The following PRIM2 variants were observed in gnomAD, a reference collection of about 807,000 sequenced individuals.
The protein encoded by PRIM2 is DNA primase large subunit.
In PRIM2, 39 loss-of-function variants were observed where a neutral mutation model predicts 67.3. The ratio of observed to expected loss-of-function variants is 0.58; its 90% CI spans 0.45 to 0.76. The LOEUF (loss-of-function observed/expected upper bound fraction) is 0.76. PRIM2 is among the 30% of genes least tolerant of loss of function. The pLI is 0.00. For synonymous variants in PRIM2, 143 were observed against 198.7 expected, an observed-to-expected ratio of 0.72 and a Z score of 2.36; for missense variants, 398 against 598.7, an observed-to-expected ratio of 0.66 and a Z score of 3.50.
intron 12 of PRIM2, among the ~76,000 whole-genome samples, chr6:57,625,301 G>A (rs1391665017): frequency 7.9e-5 from 12 of 152,298 alleles, no homozygotes; most frequent in Middle Eastern, 6.8e-3. Context: ...TATGAAAAAT[G>A]GATTCTGGGG....
the PRIM2 span, among the ~76,000 whole-genome samples, chr6:57,264,312 A>G: frequency 2.6e-5 from 4 of 152,162 alleles, no homozygotes; most frequent in African/African-American, 9.7e-5. Context: ...ACACCAAGCC[A>G]TGAATTTCAT....
chr6:57,557,308 A>G (rs1581988688), intron 10 of PRIM2, among the ~76,000 whole-genome samples: 1 of 151,328 alleles, frequency 6.6e-6, no homozygotes, highest in African/African-American at 2.4e-5. Context: ...CCATAAAGAC[A>G]TATGCACGCG....
At chr6:57,435,521 TAAAAG>T (rs1014663682) in intron 7 of PRIM2, among the ~76,000 whole-genome samples, 3 of 152,174 alleles carry the variant, frequency 2.0e-5, no homozygotes, top group African/African-American at 7.2e-5. Flanking sequence ...AACAAATACT[TAAAAG>T]AAGAAACATC....
upstream of PRIM2, among the ~76,000 whole-genome samples, chr6:57,315,206 G>A (rs1167926698): frequency 1.3e-5 from 2 of 152,190 alleles, no homozygotes; most frequent in African/African-American, 2.4e-5. Context: ...TCCAAAGAAA[G>A]CTTAAAACCT....
At position 57,496,187 on chromosome 6, in the gene PRIM2, T is replaced by C. The variant is rs1429991904; in HGVS notation, c.694-11200T>C. Among the ~76,000 whole-genome samples, 16 of 152,212 alleles carry C rather than the reference T, an allele frequency of 1.1e-4. 1 individual carries two copies. The highest frequency in any genetic ancestry group is 1.0e-3 in the Admixed American group (16 of 15,282). Reference sequence around the variant, plus strand: ...TCTTCACTTTGGTAATTAATATAATTGTGGATCTTTGACATTGATTTTAGA... The same window carrying C: ...TCTTCACTTTGGTAATTAATATAATCGTGGATCTTTGACATTGATTTTAGA... On this transcript the variant is annotated intron_variant, in intron 7 of 13. Transcript: ENST00000615550.
intron 7 of PRIM2, among the ~76,000 whole-genome samples, chr6:57,451,863 T>C (rs1772564543): frequency 6.6e-6 from 1 of 151,934 alleles, no homozygotes; most frequent in African/African-American, 2.4e-5. Context: ...GCATGTGCCA[T>C]GTTGGTGTGC....
intron 7 of PRIM2, among the ~76,000 whole-genome samples, chr6:57,466,603 G>C (rs901867135): frequency 6.6e-6 from 1 of 152,130 alleles, no homozygotes; most frequent in Non-Finnish European, 1.5e-5. Flanking sequence ...ATGTATGTTG[G>C]CTGCATAAAT....
At chr6:57,590,462 A>G (rs1420394487) in intron 10 of PRIM2, among the ~76,000 whole-genome samples, 1 of 152,226 alleles carries the variant, frequency 6.6e-6, no homozygotes, top group East Asian at 1.9e-4. Flanking sequence ...CCTAATTCCA[A>G]ATAGCATGGA....
At chr6:57,493,197 G>T (rs1229462150) in intron 7 of PRIM2, among the ~76,000 whole-genome samples, 1 of 152,118 alleles carries the variant, frequency 6.6e-6, no homozygotes, top group Non-Finnish European at 1.5e-5. Flanking sequence ...TTCTTGCCTT[G>T]CATAGGGGCC....
intron 10 of PRIM2, among the ~76,000 whole-genome samples, chr6:57,544,632 G>C (rs1327736807): frequency 6.6e-6 from 1 of 152,088 alleles, no homozygotes; most frequent in South Asian, 2.1e-4. Flanking sequence ...AATGATATTG[G>C]TTACTTGCTA....
chr6:57,246,513 G>A, the PRIM2 span, among the ~76,000 whole-genome samples: 1 of 152,174 alleles, frequency 6.6e-6, no homozygotes, highest in Admixed American at 6.5e-5. Context: ...GAGCAGGAGT[G>A]AAAGACAGGA....
chr6:57,244,942 G>A, the PRIM2 span, among the ~76,000 whole-genome samples: 11 of 152,248 alleles, frequency 7.2e-5, no homozygotes, highest in Non-Finnish European at 1.3e-4. Flanking sequence ...CCTGAGCATA[G>A]GCAGCTCCTC....
chr6:57,433,726 T>C (rs1170475135), intron 7 of PRIM2, among the ~76,000 whole-genome samples: 1 of 152,188 alleles, frequency 6.6e-6, no homozygotes, highest in Non-Finnish European at 1.5e-5. Context: ...AAAACAGACA[T>C]TTAAAACCAT....
the PRIM2 span, among the ~76,000 whole-genome samples, chr6:57,241,052 T>C: frequency 7.3e-5 from 11 of 151,720 alleles, no homozygotes; most frequent in African/African-American, 2.2e-4. Flanking sequence ...GGTGAAACTC[T>C]GTCTCTACTA....
chr6:57,561,392 C>T (rs1247348569), intron 10 of PRIM2, among the ~76,000 whole-genome samples: 7 of 152,088 alleles, frequency 4.6e-5, no homozygotes, highest in Non-Finnish European at 8.8e-5. Context: ...CCGCCACACC[C>T]GGCTGATTTT....
intron 5 of PRIM2, among the ~76,000 whole-genome samples, chr6:57,377,875 G>T (rs1374113919): frequency 6.6e-6 from 1 of 150,672 alleles, no homozygotes; most frequent in Non-Finnish European, 1.5e-5. Context: ...ACATCACAAA[G>T]GTTTTGTGCA....
In PRIM2 at chr6:57,324,244, T is replaced by C. The variant is rs1295799831; in HGVS notation, c.302T>C (p.Ile101Thr). 1 of 1,606,156 alleles carries C rather than the reference T, an allele frequency of 6.2e-7. No individual in the cohort carries two copies. Reference sequence around the variant, plus strand: ...TATGAACCACGAAGAAGAGATCATATTTCTCATTTTATTTTGCGGCTTGCT... The same window carrying C: ...TATGAACCACGAAGAAGAGATCATACTTCTCATTTTATTTTGCGGCTTGCT... ...DEYEPRRRDH[I>T]SHFILRLAYC... Residue 101 changes from isoleucine to threonine, a missense_variant, in exon 4 of 14, where the codon ATT becomes ACT. Ile to Thr is a moderately conservative substitution (Grantham distance 89, BLOSUM62 -1). This residue lies in a region of PRIM2 where 229 missense variants were observed against 383.6 expected (regional missense o/e 0.60). Coordinates refer to ENST00000615550, the MANE Select transcript of PRIM2 (RefSeq NM_000947.5).
chr6:57,227,878 T>A, the PRIM2 span, among the ~76,000 whole-genome samples: 3 of 152,166 alleles, frequency 2.0e-5, no homozygotes, highest in African/African-American at 7.2e-5. Flanking sequence ...AAAAAAGTGG[T>A]GAGGAAATGT....
At chr6:57,602,022 T>C (rs1428257793) in intron 11 of PRIM2, among the ~76,000 whole-genome samples, 9 of 151,978 alleles carry the variant, frequency 5.9e-5, no homozygotes, top group Non-Finnish European at 2.9e-5. Context: ...ACTCGTCATA[T>C]AGATAGACAG....
Sources: gnomAD v4.1 joint callset for allele counts (sites outside exome capture counted in the v4.1 genomes callset) on GRCh38, gnomAD v4.1.1 for gene constraint, gnomAD v4.1.1 regional missense constraint, MANE v1.5 for transcripts, NCBI Gene and HGNC (gene_info 2026-07-23, HGNC 2026-07-21) for gene names.